Variants in MME observed in about 807,000 individuals in gnomAD.
The protein encoded by MME is membrane metalloendopeptidase.
In MME, 98 loss-of-function variants were observed where a neutral mutation model predicts 113.2. The ratio of observed to expected loss-of-function variants is 0.87; its 90% confidence interval spans 0.74 to 1.02. The LOEUF (loss-of-function observed/expected upper bound fraction) is 1.02. MME is among the 50% of genes least tolerant of loss of function. The probability of loss-of-function intolerance (pLI) is 0.00; values close to 1 mark genes in which losing one functional copy is unlikely to be tolerated. For synonymous variants in MME, 292 were observed against 300.6 expected (o/e 0.97, Z 0.30); for missense variants, 836 against 896.0 (o/e 0.93, Z 0.86).
intron 3 of MME, among the ~76,000 whole-genome samples, chr3:155,097,094 G>A (rs1716804433): frequency 6.6e-6 from 1 of 152,136 alleles, no homozygotes; most frequent in Admixed American, 6.5e-5. Flanking sequence ...CCAAGCTAGG[G>A]AGCACTGAAG....
At position 155,172,604 on chromosome 3, in the gene MME, C is replaced by T. The variant is rs1712104749; in HGVS notation, c.2145C>T (p.Gly715=). ...NSIKTDVHSP[G]NFRIIGTLQN... is the part of the protein sequence containing the mutation. The stretch of plus-strand genomic sequence containing the variant: ...TTAAAACAGATGTGCACAGTCCAGG[C>T]AATTTCAGGTGCGTGGATATGAACA... Residue 715 remains glycine, a synonymous_variant, in exon 22 of 23, where the codon GGC becomes GGT. Coordinates refer to ENST00000360490, the MANE Select transcript of MME (RefSeq NM_007289.4). 1.2e-6 allele frequency: 2 copies of T among 1,611,610 alleles called. No individual in the cohort carries two copies. Among genetic ancestry groups the T allele is most frequent in the African/African-American group, 1.3e-5 (1 of 74,926 alleles).
At chr3:155,101,441 G>A (rs1717209886) in intron 3 of MME, among the ~76,000 whole-genome samples, 1 of 152,034 alleles carries the variant, frequency 6.6e-6, no homozygotes, top group African/African-American at 2.4e-5. Flanking sequence ...GCACTCACTG[G>A]GGCCAAGGTC....
intron 1 of MME, among the ~76,000 whole-genome samples, chr3:155,049,156 A>T (rs1459561933): frequency 6.6e-6 from 1 of 152,144 alleles, no homozygotes; most frequent in Non-Finnish European, 1.5e-5. Context: ...TGAATTGAAT[A>T]GTGTTACCCC....
intron 14 of MME, among the ~76,000 whole-genome samples, chr3:155,146,023 A>T (rs931455137): frequency 6.6e-6 from 1 of 152,134 alleles, no homozygotes; most frequent in Non-Finnish European, 1.5e-5. Context: ...TAACTCAGAG[A>T]TACAGGCTAA....
intron 1 of MME, among the ~76,000 whole-genome samples, chr3:155,051,653 A>T (rs1487360093): frequency 6.6e-6 from 1 of 152,136 alleles, no homozygotes; most frequent in Non-Finnish European, 1.5e-5. Flanking sequence ...CCCATGATTT[A>T]ATTACCTCCC....
chr3:155,150,270 G>A (rs568302074), intron 16 of MME, among the ~76,000 whole-genome samples: 95 of 152,236 alleles, frequency 6.2e-4, no homozygotes, highest in African/African-American at 2.1e-3. Flanking sequence ...TGAGGTTAAC[G>A]TAGTGCCAGT....
chr3:155,168,814 T>G lies in MME; in HGVS notation c.1980+17T>G. 6.3e-7 allele frequency: 1 copy of G among 1,598,630 alleles called. No homozygotes were observed. The highest frequency in any genetic ancestry group is 8.6e-7 in the Non-Finnish European group (1 of 1,166,654). On this transcript the variant is annotated intron_variant, in intron 20 of 22. Transcript: ENST00000360490. ...GCATACAGAGTAAGTAAAAAAGATT[T>G]TCTTTCCATTTTAGTGATTTAGAGT...
At chr3:155,125,588 G>A (rs1215881665) in intron 8 of MME, among the ~76,000 whole-genome samples, 1 of 151,160 alleles carries the variant, frequency 6.6e-6, no homozygotes, top group East Asian at 2.0e-4. Context: ...GGCCTCCTGA[G>A]TACCTGGGAT....
At chr3:155,065,837 T>G (rs1329250478) in intron 1 of MME, among the ~76,000 whole-genome samples, 2 of 152,182 alleles carry the variant, frequency 1.3e-5, no homozygotes, top group Non-Finnish European at 2.9e-5. Flanking sequence ...GACACTGTGG[T>G]CATAAAAGAC....
intron 8 of MME, among the ~76,000 whole-genome samples, chr3:155,125,486 G>T: frequency 9.8e-6 from 1 of 102,306 alleles, no homozygotes; most frequent in Non-Finnish European, 1.8e-5. Flanking sequence ...ACAGAGTCTT[G>T]CTCTGTCCTG....
At chr3:155,027,742 A>T (rs1712834327) in intron 1 of MME, among the ~76,000 whole-genome samples, 1 of 152,244 alleles carries the variant, frequency 6.6e-6, no homozygotes, top group Admixed American at 6.5e-5. Flanking sequence ...GCAACAGATT[A>T]AAAACACACA....
chr3:155,179,977 A>C (rs573707609), intron 22 of MME, among the ~76,000 whole-genome samples: 1 of 152,354 alleles, frequency 6.6e-6, no homozygotes, highest in African/African-American at 2.4e-5. Context: ...ATTATAATAC[A>C]ACTCCAAATA....
At position 155,142,038 on chromosome 3, in the gene MME, T is replaced by C. The variant is rs748702832; in HGVS notation, c.1005T>C (p.Asn335=). 3.1e-6 allele frequency: 5 copies of C among 1,613,498 alleles called. No individual in the cohort carries two copies. The highest frequency in any genetic ancestry group is 4.5e-5 in the East Asian group (2 of 44,868). Residue 335 remains asparagine, a synonymous_variant, in exon 11 of 23, where the codon AAT becomes AAC. Transcript: ENST00000360490. ...NFTNEIMSTV[N]ISITNEEDVV... is the part of the protein sequence containing the mutation. ...CAAATGAAATCATGTCAACTGTGAATATTAGTATTACAAATGAGGAAGATG... is the reference window on the plus strand; with the variant it reads ...CAAATGAAATCATGTCAACTGTGAACATTAGTATTACAAATGAGGAAGATG...
chr3:155,070,144 C>T (rs1216988809), intron 1 of MME, among the ~76,000 whole-genome samples: 1 of 152,162 alleles, frequency 6.6e-6, no homozygotes, highest in African/African-American at 2.4e-5. Context: ...CAATTATATA[C>T]AATATTGCAC....
chr3:155,137,131 G>GCAAA (rs1432985451), intron 8 of MME, among the ~76,000 whole-genome samples: 1 of 152,174 alleles, frequency 6.6e-6, no homozygotes, highest in African/African-American at 2.4e-5. Context: ...TAAGATGTAT[G>GCAAA]TGAAGATAAA....
Position 155,147,146 on chromosome 3 carries a change from C to T in MME, c.1419C>T (p.Ala473=). The change falls in exon 15 of 23, where the codon GCC becomes GCT. Residue 473 remains alanine, a splice_region_variant and synonymous_variant. Transcript: ENST00000360490. ...ATTCAATATTATAATTTTCATAGGC[C>T]TTAGCAATTAAAGAAAGGATCGGCT... ...AETKKRAEEK[A]LAIKERIGYP... 6.3e-7 allele frequency: 1 copy of T among 1,589,056 alleles called. No individual in the cohort carries two copies. Among genetic ancestry groups the T allele is most frequent in the Non-Finnish European group, 8.6e-7 (1 of 1,157,488 alleles).
chr3:155,063,608 TTATATAA>T (rs1483510807), intron 1 of MME, among the ~76,000 whole-genome samples: 1 of 124,126 alleles, frequency 8.1e-6, no homozygotes, highest in Non-Finnish European at 1.6e-5. Flanking sequence ...TTATATTTGA[TTATATAA>T]TATATAATAT....
intron 17 of MME, among the ~76,000 whole-genome samples, chr3:155,166,347 T>C (rs966240166): frequency 9.9e-5 from 15 of 152,182 alleles, no homozygotes; most frequent in Non-Finnish European, 8.8e-5. Context: ...GAGGTAGTCA[T>C]AAGTGCCTTG....
chr3:155,172,351 T>C, intron 21 of MME, 139 bp downstream of exon 21: 1 of 793,718 alleles, frequency 1.3e-6, no homozygotes. Context: ...TAATAGACTG[T>C]TGGATCATAT....
Sources: allele counts gnomAD v4.1 joint callset (sites outside exome capture counted in the v4.1 genomes callset), GRCh38; gene constraint gnomAD v4.1.1; transcripts MANE v1.5; gene names NCBI Gene and HGNC (gene_info 2026-07-23, HGNC 2026-07-21).